Variants in HCN1 observed in about 807,000 individuals in gnomAD.
The protein encoded by HCN1 is potassium/sodium hyperpolarization-activated cyclic nucleotide-gated channel 1.
In HCN1, 13 loss-of-function variants were observed where a neutral mutation model predicts 78.9. The ratio of observed to expected loss-of-function variants is 0.16; its 90% CI spans 0.11 to 0.26. The LOEUF is 0.26. HCN1 is among the 10% of genes least tolerant of loss of function. HCN1 has a pLI of 1.00. For synonymous variants in HCN1, 552 were observed against 455.5 expected, an observed-to-expected ratio of 1.21 and a Z score of -2.70; for missense variants, 810 against 1,154.3, an observed-to-expected ratio of 0.70 and a Z score of 4.32.
intron 5 of HCN1, among the ~76,000 whole-genome samples, chr5:45,345,368 C>A (rs1412650815): frequency 6.6e-6 from 1 of 152,202 alleles, no homozygotes; most frequent in Non-Finnish European, 1.5e-5. Context: ...TGATTAACAT[C>A]CAACGCCTTG....
chr5:45,323,683 T>A (rs1746173834), intron 5 of HCN1, among the ~76,000 whole-genome samples: 1 of 151,980 alleles, frequency 6.6e-6, no homozygotes, highest in African/African-American at 2.4e-5. Flanking sequence ...TCATTTAGCA[T>A]TAGGTATATC....
chr5:45,695,578 T>A (rs2112108603), intron 1 of HCN1, 91 bp downstream of exon 1: 43 of 1,088,796 alleles, frequency 3.9e-5, no homozygotes, highest in African/African-American at 4.8e-5. Flanking sequence ...CCCGCCCTCC[T>A]AGTCCCCGGG....
intron 2 of HCN1, among the ~76,000 whole-genome samples, chr5:45,482,088 G>T (rs1741666123): frequency 6.6e-6 from 1 of 152,092 alleles, no homozygotes; most frequent in Non-Finnish European, 1.5e-5. Context: ...TTTTGGTCTT[G>T]TTACCAGTTA....
chr5:45,456,653 C>G (rs1741034979), intron 3 of HCN1, among the ~76,000 whole-genome samples: 1 of 151,900 alleles, frequency 6.6e-6, no homozygotes, highest in Non-Finnish European at 1.5e-5. Flanking sequence ...TCAACAAATA[C>G]ATCTTAATGT....
chr5:45,554,190 G>T (rs1346895387), intron 2 of HCN1, among the ~76,000 whole-genome samples: 1 of 151,806 alleles, frequency 6.6e-6, no homozygotes, highest in Non-Finnish European at 1.5e-5. Flanking sequence ...ATCACTGACA[G>T]ATAGGCCCAT....
At chr5:45,273,068 G>A (rs540981058) in intron 6 of HCN1, among the ~76,000 whole-genome samples, 2 of 152,088 alleles carry the variant, frequency 1.3e-5, no homozygotes, top group Admixed American at 1.3e-4. Flanking sequence ...TGGGTAATAG[G>A]TCCCTTCATC....
At chr5:45,570,723 C>T (rs1743810819) in intron 2 of HCN1, among the ~76,000 whole-genome samples, 1 of 152,062 alleles carries the variant, frequency 6.6e-6, no homozygotes, top group East Asian at 1.9e-4. Flanking sequence ...TAGTGCCTTA[C>T]TTTTAAAAAG....
intron 2 of HCN1, among the ~76,000 whole-genome samples, chr5:45,492,140 C>T (rs1741896963): frequency 1.3e-5 from 2 of 151,992 alleles, no homozygotes; most frequent in African/African-American, 4.8e-5. Context: ...GCTACTCCTA[C>T]ATCATGTCTA....
At chr5:45,587,417 G>C (rs1202471922) in intron 2 of HCN1, among the ~76,000 whole-genome samples, 1 of 152,086 alleles carries the variant, frequency 6.6e-6, no homozygotes, top group African/African-American at 2.4e-5. Context: ...GATGAAGCTG[G>C]AAACCATCAT....
chr5:45,472,039 G>A (rs1374223076), intron 2 of HCN1, among the ~76,000 whole-genome samples: 1 of 151,762 alleles, frequency 6.6e-6, no homozygotes, highest in Non-Finnish European at 1.5e-5. Context: ...CCATATTCTT[G>A]GCCTGGCATT....
chr5:45,388,011 A>C (rs1421083324), intron 4 of HCN1, among the ~76,000 whole-genome samples: 2 of 152,146 alleles, frequency 1.3e-5, no homozygotes, highest in African/African-American at 4.8e-5. Context: ...CGAAACTGAA[A>C]ACAAAAATAT....
At chr5:45,345,709 C>A (rs770581095) in intron 5 of HCN1, among the ~76,000 whole-genome samples, 1 of 152,178 alleles carries the variant, frequency 6.6e-6, no homozygotes, top group Non-Finnish European at 1.5e-5. Flanking sequence ...ATAGCACTTT[C>A]AGCATTTTGG....
At chr5:45,383,066 A>G (rs926609233) in intron 4 of HCN1, among the ~76,000 whole-genome samples, 2 of 152,178 alleles carry the variant, frequency 1.3e-5, no homozygotes, top group Admixed American at 1.3e-4. Flanking sequence ...ATAATTAACT[A>G]CTATTAGAGA....
chr5:45,379,397 G>A (rs894470529), intron 4 of HCN1, among the ~76,000 whole-genome samples: 3 of 151,864 alleles, frequency 2.0e-5, no homozygotes, highest in Non-Finnish European at 4.4e-5. Context: ...TAAGAAATAT[G>A]GTATCTAAGA....
intron 5 of HCN1, among the ~76,000 whole-genome samples, chr5:45,332,368 G>T (rs1329801859): frequency 6.6e-6 from 1 of 151,180 alleles, no homozygotes; most frequent in Non-Finnish European, 1.5e-5. Context: ...ATTTTTAAAT[G>T]TACGGTGAAG....
chr5:45,451,985 T>C (rs1212064979), intron 3 of HCN1, among the ~76,000 whole-genome samples: 1 of 152,028 alleles, frequency 6.6e-6, no homozygotes, highest in Non-Finnish European at 1.5e-5. Flanking sequence ...TCATTCTATA[T>C]TTAGAATATA....
intron 2 of HCN1, among the ~76,000 whole-genome samples, chr5:45,471,217 C>A (rs1741383384): frequency 6.6e-6 from 1 of 151,830 alleles, no homozygotes; most frequent in African/African-American, 2.4e-5. Context: ...GGCCCAAAAT[C>A]TATGCGTGTG....
intron 3 of HCN1, among the ~76,000 whole-genome samples, chr5:45,459,657 A>G (rs1188785191): frequency 6.6e-6 from 1 of 152,132 alleles, no homozygotes; most frequent in Non-Finnish European, 1.5e-5. Flanking sequence ...TTATACTACC[A>G]TATGTACTTT....
At chr5:45,336,211 G>T (rs1415448677) in intron 5 of HCN1, among the ~76,000 whole-genome samples, 2 of 151,942 alleles carry the variant, frequency 1.3e-5, no homozygotes, top group Non-Finnish European at 2.9e-5. Context: ...AGCCAACTTT[G>T]CAGACTCATA....
Sources: gnomAD v4.1 joint callset for allele counts (sites outside exome capture counted in the v4.1 genomes callset) on GRCh38, gnomAD v4.1.1 for gene constraint, MANE v1.5 for transcripts, NCBI Gene and HGNC (gene_info 2026-07-23, HGNC 2026-07-21) for gene names.